PCDHGC3: variants seen among roughly 807,000 people sequenced by gnomAD.
PCDHGC3 encodes the protein protocadherin gamma-C3.
Under a neutral mutation model 59.2 loss-of-function variants are expected in PCDHGC3, and 26 were observed. That is an observed-to-expected ratio of 0.44 (90% confidence interval 0.32 to 0.61). The LOEUF (loss-of-function observed/expected upper bound fraction) is 0.61, where lower values mean the gene tolerates loss of function less well. Ranked by LOEUF, PCDHGC3 falls within the 20% of genes least tolerant of loss-of-function variation. The pLI, the probability that PCDHGC3 is intolerant of heterozygous loss-of-function variation, is 0.05. For missense variants in PCDHGC3, 1,080 were observed against 1,221.8 expected, an observed-to-expected ratio of 0.88 and a Z score of 1.73; for synonymous variants, 487 against 519.7, an observed-to-expected ratio of 0.94 and a Z score of 0.86.
chr5:141,489,951 T>C lies in PCDHGC3; in HGVS notation c.2431-4856T>C. On this transcript the variant is annotated intron_variant, in intron 1 of 3. Coordinates refer to ENST00000308177, the MANE Select transcript of PCDHGC3 (RefSeq NM_002588.4). The surrounding 1 kb of genome is among the most constrained non-coding windows in gnomAD (Gnocchi z 4.5). ...CTGTCATCGTGCTGGACATCAATGATAATGCTCCAACCTTCCAATCCTCAG... is the reference window on the plus strand; with the variant it reads ...CTGTCATCGTGCTGGACATCAATGACAATGCTCCAACCTTCCAATCCTCAG... 6.2e-7 allele frequency: 1 copy of C among 1,614,210 alleles called. No homozygotes were observed. Among genetic ancestry groups the C allele is most frequent in the Non-Finnish European group, 8.5e-7 (1 of 1,180,032 alleles).
At chr5:141,478,711 T>G (rs1420376406) in intron 1 of PCDHGC3, 165 bp downstream of exon 1, 1 of 1,547,346 alleles carries the variant, frequency 6.5e-7, no homozygotes. Context: ...CTTTGTGAGA[T>G]GGTGGCCTGC....
Position 141,490,066 on chromosome 5 carries a change from C to G in PCDHGC3, c.2431-4741C>G. ...TGATCCAGACGAGGGCACCAACGGC[C>G]AACTAGACTATTCTTTTGGAGACCA... On this transcript the variant is annotated intron_variant, in intron 1 of 3. Coordinates refer to ENST00000308177, the MANE Select transcript of PCDHGC3 (RefSeq NM_002588.4). The surrounding 1 kb of genome is among the most constrained non-coding windows in gnomAD (Gnocchi z 5.4). The G allele has an allele frequency of 1.2e-6, 2 of 1,614,248 alleles. No individual in the cohort carries two copies. Among genetic ancestry groups the G allele is most frequent in the Non-Finnish European group, 1.7e-6 (2 of 1,180,034 alleles).
chr5:141,478,174 GA>G lies in PCDHGC3; in HGVS notation c.2066del (p.Asn689IlefsTer10), dbSNP rs1156842877. 1 of 1,613,574 alleles carries G rather than the reference GA, an allele frequency of 6.2e-7. No homozygotes were observed. Among genetic ancestry groups the G allele is most frequent in the East Asian group, 2.2e-5 (1 of 44,894 alleles). ...FPSGSAPREQ[K>X]KNLTFYLLLS... ...CCTCTGGCTCTGCCCCCCGGGAGCA[GA>G]AAAAAAATCTCACCTTTTATCTACT... is the stretch of plus-strand genomic sequence containing the variant. On this transcript the variant is annotated frameshift_variant, in exon 1 of 4. Transcript: ENST00000308177. LOFTEE classifies it high-confidence loss of function.
In PCDHGC3 at chr5:141,511,999, C is replaced by G. The variant is rs1049440139; in HGVS notation, c.*826C>G. ...GTGGATGGTGGGGGCATGGACAAAG[C>G]TTGACACATCAAGTTATCAAGGCCT... is the stretch of plus-strand genomic sequence containing the variant. On this transcript the variant is annotated 3_prime_UTR_variant, in exon 4 of 4. Coordinates refer to ENST00000308177, the MANE Select transcript of PCDHGC3 (RefSeq NM_002588.4). 6.5e-6 allele frequency: 1 copy of G among 153,016 alleles called. No individual in the cohort carries two copies. Among genetic ancestry groups the G allele is most frequent in the Non-Finnish European group, 1.5e-5 (1 of 68,392 alleles). The allele number at this position is 153,016 out of a possible 1,614,324, so 9.5% of individuals were successfully genotyped here. A position where few individuals can be genotyped will look rare whatever the true frequency, so the allele number is the denominator to read the frequency against.
chr5:141,486,416 C>T lies in PCDHGC3; in HGVS notation c.2430+7870C>T, dbSNP rs2154580601. The T allele has an allele frequency of 6.2e-7, 1 of 1,614,152 alleles. No individual in the cohort carries two copies. The highest frequency in any genetic ancestry group is 8.5e-7 in the Non-Finnish European group (1 of 1,180,016). On this transcript the variant is annotated intron_variant, in intron 1 of 3. Coordinates refer to ENST00000308177, the MANE Select transcript of PCDHGC3 (RefSeq NM_002588.4). This position sits in a 1 kb window ranked among gnomAD's most constrained non-coding sequence, Gnocchi z 5.0. ...CCTGGTGACTGCTGGACCCTTGGAT[C>T]GAGAGGCCAAATCTAGCTATGACAT...
intron 1 of PCDHGC3, among the ~76,000 whole-genome samples, chr5:141,488,969 CCAAT>C (rs1303368467): frequency 4.6e-5 from 7 of 152,106 alleles, no homozygotes; most frequent in Non-Finnish European, 7.4e-5. Context: ...GACTTTTTGG[CCAAT>C]CAGACTCAGA....
At position 141,501,332 on chromosome 5, in the gene PCDHGC3, CA is replaced by C. The variant is rs1257793029; in HGVS notation, c.2490-4060del. 1.8e-3 allele frequency among the ~76,000 whole-genome samples: 265 copies of C among 149,784 alleles called. 1 individual carries two copies. The highest frequency in any genetic ancestry group is 5.2e-3 in the African/African-American group (209 of 40,512). On this transcript the variant is annotated intron_variant, in intron 2 of 3. Transcript: ENST00000308177. Reference sequence around the variant, plus strand: ...ACACACACACACACACACACACACACACCCCAAACTCAATAGGGCAAGAACC... The same window carrying C: ...ACACACACACACACACACACACACACCCCCAAACTCAATAGGGCAAGAACC...
intron 3 of PCDHGC3, among the ~76,000 whole-genome samples, chr5:141,510,092 T>C (rs973542449): frequency 6.6e-6 from 1 of 152,138 alleles, no homozygotes; most frequent in South Asian, 2.1e-4. Flanking sequence ...TGGCACACAG[T>C]AGGTGCTCAA....
intron 2 of PCDHGC3, 119 bp from the exon 3 acceptor site, chr5:141,505,274 C>T: frequency 6.6e-7 from 1 of 1,524,344 alleles, no homozygotes; most frequent in East Asian, 2.3e-5. Flanking sequence ...CTGAGAGAAA[C>T]AGGTCTTGGG....
intron 2 of PCDHGC3, among the ~76,000 whole-genome samples, chr5:141,499,297 T>A (rs1449576891): frequency 1.3e-5 from 2 of 152,036 alleles, no homozygotes; most frequent in Non-Finnish European, 2.9e-5. Flanking sequence ...CACACTACCA[T>A]CCCTCCTCTG....
In PCDHGC3 at chr5:141,487,046, G is replaced by A; in HGVS notation, c.2431-7761G>A. ...CAGCCTGTTTGCAGTCTCTCGATATGCTGGGGAGGTGCGGACGGCTGTTCC... is the reference window on the plus strand; with the variant it reads ...CAGCCTGTTTGCAGTCTCTCGATATACTGGGGAGGTGCGGACGGCTGTTCC... On this transcript the variant is annotated intron_variant, in intron 1 of 3. Coordinates refer to ENST00000308177, the MANE Select transcript of PCDHGC3 (RefSeq NM_002588.4). The surrounding 1 kb of genome is among the most constrained non-coding windows in gnomAD (Gnocchi z 5.0). 6.2e-7 allele frequency: 1 copy of A among 1,614,192 alleles called. No individual in the cohort carries two copies. Among genetic ancestry groups the A allele is most frequent in the Non-Finnish European group, 8.5e-7 (1 of 1,180,040 alleles).
intron 1 of PCDHGC3, chr5:141,478,814 C>T (rs1271237848): frequency 6.9e-7 from 1 of 1,451,050 alleles, no homozygotes; most frequent in East Asian, 2.5e-5. Context: ...GCTATCACAA[C>T]TAACCAATCT....
At position 141,490,118 on chromosome 5, in the gene PCDHGC3, T is replaced by G. The variant is rs1448768968; in HGVS notation, c.2431-4689T>G. The G allele has an allele frequency of 6.2e-7, 1 of 1,614,158 alleles. No individual in the cohort carries two copies. Among genetic ancestry groups the G allele is most frequent in the Non-Finnish European group, 8.5e-7 (1 of 1,180,048 alleles). On this transcript the variant is annotated intron_variant, in intron 1 of 3. Transcript: ENST00000308177. This position sits in a 1 kb window ranked among gnomAD's most constrained non-coding sequence, Gnocchi z 5.4. ...ACATCTGAGGCAGTGCGGAACCTCT[T>G]TGGCCTAGACCCTAGCAGTGGGGCA...
Position 141,476,735 on chromosome 5 carries a change from G to C in PCDHGC3, c.619G>C (p.Glu207Gln), listed in dbSNP as rs1267556668. The C allele has an allele frequency of 6.2e-7, 1 of 1,613,974 alleles. No individual in the cohort carries two copies. Among genetic ancestry groups the C allele is most frequent in the African/African-American group, 1.3e-5 (1 of 74,940 alleles). The change falls in exon 1 of 4, where the codon GAG (glutamate) becomes CAG (glutamine). Residue 207 changes from glutamate (E) to glutamine (Q), a missense_variant. Glu to Gln is a conservative substitution (Grantham distance 29). Coordinates refer to ENST00000308177, the MANE Select transcript of PCDHGC3 (RefSeq NM_002588.4). This position sits in a 1 kb window ranked among gnomAD's most constrained non-coding sequence, Gnocchi z 7.6. ...VLERALDRER[E>Q]PSLQLVLTAL... ...GGAGCGCGCCCTGGACCGAGAACGG[G>C]AGCCTAGTCTCCAGTTAGTGCTGAC...
chr5:141,498,390 T>C (rs2099783500), intron 2 of PCDHGC3, among the ~76,000 whole-genome samples: 1 of 151,982 alleles, frequency 6.6e-6, no homozygotes, highest in Non-Finnish European at 1.5e-5. Context: ...ATCAAGGGAA[T>C]GGCAGGGAGT....
In PCDHGC3 at chr5:141,486,217, T is replaced by C; in HGVS notation, c.2430+7671T>C. ...TGCTGGACGTAAATGACAATGCCCC[T>C]TACATCACAGTGACCTCAGAGCTTG... On this transcript the variant is annotated intron_variant, in intron 1 of 3. Coordinates refer to ENST00000308177, the MANE Select transcript of PCDHGC3 (RefSeq NM_002588.4). The surrounding 1 kb of genome is among the most constrained non-coding windows in gnomAD (Gnocchi z 5.0). The C allele has an allele frequency of 6.2e-7, 1 of 1,614,120 alleles. No homozygotes were observed.
chr5:141,495,833 G>A (rs559689667), intron 2 of PCDHGC3, among the ~76,000 whole-genome samples: 3 of 151,876 alleles, frequency 2.0e-5, no homozygotes, highest in African/African-American at 4.8e-5. Context: ...TCTATCCCCA[G>A]CCTCTATGTT....
chr5:141,500,493 G>A (rs1239876467), intron 2 of PCDHGC3, among the ~76,000 whole-genome samples: 1 of 152,166 alleles, frequency 6.6e-6, no homozygotes, highest in Admixed American at 6.5e-5. Context: ...ACAGGCGTGA[G>A]CCACCGCGCC....
Position 141,476,676 on chromosome 5 carries a change from G to T in PCDHGC3, c.560G>T (p.Arg187Leu). 1.2e-6 allele frequency: 2 copies of T among 1,614,222 alleles called. No individual in the cohort carries two copies. The highest frequency in any genetic ancestry group is 1.7e-6 in the Non-Finnish European group (2 of 1,180,054). Reference protein sequence around the residue: ...NEYFALRVQTREDSTKYAELV... With the variant: ...NEYFALRVQTLEDSTKYAELV... ...TACTTTGCGCTTCGCGTGCAGACGC[G>T]GGAGGACAGCACCAAGTACGCGGAG... The change falls in exon 1 of 4, where the codon CGG becomes CTG. Residue 187 changes from arginine to leucine, a missense_variant. Transcript: ENST00000308177. The surrounding 1 kb of genome is among the most constrained non-coding windows in gnomAD (Gnocchi z 7.6).
Sources: gnomAD v4.1 joint callset for allele counts (sites outside exome capture counted in the v4.1 genomes callset) on GRCh38, gnomAD v4.1.1 for gene constraint, Gnocchi (gnomAD v3.1) non-coding constraint, MANE v1.5 for transcripts, NCBI Gene and HGNC (gene_info 2026-07-23, HGNC 2026-07-21) for gene names.